TPST1: variants seen among roughly 807,000 people sequenced by gnomAD.
TPST1 encodes the protein tyrosylprotein sulfotransferase 1.
Under a neutral mutation model 34.8 loss-of-function variants are expected in TPST1, and 20 were observed. That is an observed-to-expected ratio of 0.57 (90% CI 0.40 to 0.84). TPST1 has a LOEUF of 0.84. Among genes scored for constraint, TPST1 ranks in the 40% least tolerant of loss-of-function variants. The pLI is 0.00. For synonymous variants in TPST1, 152 were observed against 159.4 expected (o/e 0.95, Z 0.35); for missense variants, 353 against 455.5 (o/e 0.78, Z 2.05).
intron 3 of TPST1, among the ~76,000 whole-genome samples, chr7:66,329,387 A>G (rs535814520): frequency 6.6e-6 from 1 of 152,214 alleles, no homozygotes; most frequent in South Asian, 2.1e-4. Context: ...AAATTTTGCC[A>G]TATTTGCTTT....
intron 1 of TPST1, among the ~76,000 whole-genome samples, chr7:66,232,927 G>A (rs1168169682): frequency 6.6e-6 from 1 of 152,130 alleles, no homozygotes; most frequent in African/African-American, 2.4e-5. Flanking sequence ...GTATCTCATT[G>A]TGATTTTGAT....
chr7:66,222,200 G>A (rs193273762), intron 1 of TPST1, among the ~76,000 whole-genome samples: 43 of 152,132 alleles, frequency 2.8e-4, no homozygotes, highest in Non-Finnish European at 5.1e-4. Flanking sequence ...TGGCTAACAC[G>A]GTGAAACCCT....
chr7:66,269,982 A>G (rs1790673056), intron 2 of TPST1, among the ~76,000 whole-genome samples: 1 of 151,960 alleles, frequency 6.6e-6, no homozygotes, highest in East Asian at 2.0e-4. Flanking sequence ...TTATAGTGGA[A>G]AAAAGGAAAA....
chr7:66,244,293 ATTAC>A (rs1415382131), intron 2 of TPST1, among the ~76,000 whole-genome samples: 2 of 152,138 alleles, frequency 1.3e-5, no homozygotes, highest in Non-Finnish European at 2.9e-5. Flanking sequence ...TTAGTTCAGT[ATTAC>A]TTAGTATTAC....
At position 66,261,232 on chromosome 7, in the gene TPST1, CT is replaced by C. The variant is rs36114007; in HGVS notation, c.845+19979del. Among the ~76,000 whole-genome samples, 874 of 126,642 alleles carry C rather than the reference CT, an allele frequency of 6.9e-3. 14 individuals carry two copies. Among genetic ancestry groups the C allele is most frequent in the Middle Eastern group, 0.025 (6 of 242 alleles). 83.1% of individuals were successfully genotyped at this position (126,642 alleles called of 152,430 possible). On this transcript the variant is annotated intron_variant, in intron 2 of 5. Transcript: ENST00000304842. ...AAAATTGTTGTGCAACGTATATTGT[CT>C]TTTTTTTTTTTTTTTTGGTTCTTTC...
chr7:66,203,045 A>G (rs1380314646), upstream of TPST1, among the ~76,000 whole-genome samples: 1 of 152,042 alleles, frequency 6.6e-6, no homozygotes, highest in Non-Finnish European at 1.5e-5. Context: ...ATACCATTGC[A>G]CTCCAGCCTG....
At chr7:66,255,549 A>G (rs960764083) in intron 2 of TPST1, among the ~76,000 whole-genome samples, 3 of 152,192 alleles carry the variant, frequency 2.0e-5, no homozygotes, top group Non-Finnish European at 2.9e-5. Context: ...AACAAATACA[A>G]GATATCACAT....
At chr7:66,201,103 G>A (rs754295261), upstream of TPST1, among the ~76,000 whole-genome samples, 11 of 152,096 alleles carry the variant, frequency 7.2e-5, no homozygotes, top group Admixed American at 2.0e-4. Flanking sequence ...AAATAGAAAC[G>A]CAGAAAGAGT....
chr7:66,318,490 C>T lies in TPST1; in HGVS notation c.1044+31781C>T, dbSNP rs1362663785. On this transcript the variant is annotated intron_variant, in intron 3 of 5. Coordinates refer to ENST00000304842, the MANE Select transcript of TPST1 (RefSeq NM_003596.4). Reference sequence around the variant, plus strand: ...TTCAGAATTTTTTTTTTTTTTTAGACGAAGTCTCACTCTGTTGTCAGGCTG... The same window carrying T: ...TTCAGAATTTTTTTTTTTTTTTAGATGAAGTCTCACTCTGTTGTCAGGCTG... Among the ~76,000 whole-genome samples the T allele has an allele frequency of 5.4e-5, 8 of 148,272 alleles. No homozygotes were observed. In the South Asian group the frequency reaches 8.5e-4, roughly 16 times the overall value.
At chr7:66,306,768 A>G (rs949289782) in intron 3 of TPST1, among the ~76,000 whole-genome samples, 11 of 152,166 alleles carry the variant, frequency 7.2e-5, no homozygotes, top group Non-Finnish European at 1.5e-4. Flanking sequence ...GCTGGAGTGC[A>G]GTGGCACAAT....
At chr7:66,311,481 G>C (rs1791530911) in intron 3 of TPST1, among the ~76,000 whole-genome samples, 1 of 152,032 alleles carries the variant, frequency 6.6e-6, no homozygotes, top group South Asian at 2.1e-4. Context: ...ATTCCTGCAG[G>C]CATTCTGTAA....
chr7:66,249,574 T>A (rs1038901610), intron 2 of TPST1, among the ~76,000 whole-genome samples: 1 of 152,240 alleles, frequency 6.6e-6, no homozygotes, highest in African/African-American at 2.4e-5. Context: ...AGGTCTGGGA[T>A]AGGCCCAAGA....
intron 5 of TPST1, among the ~76,000 whole-genome samples, chr7:66,357,956 G>A (rs371711445): frequency 3.9e-5 from 6 of 152,054 alleles, no homozygotes; most frequent in Non-Finnish European, 7.4e-5. Context: ...TGGTGGCAGG[G>A]ACCTGTAATC....
chr7:66,333,143 A>T (rs1270016749), intron 3 of TPST1, among the ~76,000 whole-genome samples: 1 of 152,192 alleles, frequency 6.6e-6, no homozygotes, highest in East Asian at 1.9e-4. Flanking sequence ...CCCACAGTTG[A>T]AGGCTGTTCT....
chr7:66,236,815 TA>T (rs1320217265), intron 1 of TPST1, among the ~76,000 whole-genome samples: 2 of 152,200 alleles, frequency 1.3e-5, no homozygotes, highest in African/African-American at 4.8e-5. Context: ...ACACACTTTA[TA>T]ATTGTTTTCA....
intron 2 of TPST1, among the ~76,000 whole-genome samples, chr7:66,265,370 T>G (rs1790569762): frequency 1.3e-5 from 2 of 152,012 alleles, no homozygotes; most frequent in Non-Finnish European, 2.9e-5. Context: ...CGCAACAGCG[T>G]GAAACCCTGT....
chr7:66,223,855 G>T (rs1423303967), intron 1 of TPST1, among the ~76,000 whole-genome samples: 1 of 152,182 alleles, frequency 6.6e-6, no homozygotes, highest in Admixed American at 6.5e-5. Context: ...CCTGCTCTCA[G>T]ATATTTCTGA....
chr7:66,205,557 C>G lies in TPST1; in HGVS notation c.-102+35C>G, dbSNP rs1789108953. 1 of 152,516 alleles carries G rather than the reference C, an allele frequency of 6.6e-6. No individual in the cohort carries two copies. Among genetic ancestry groups the G allele is most frequent in the Non-Finnish European group, 1.5e-5 (1 of 68,328 alleles). The allele number at this position is 152,516 out of a possible 1,614,324, so 9.4% of individuals were successfully genotyped here. A position where few individuals can be genotyped will look rare whatever the true frequency, so the allele number is the denominator to read the frequency against. On this transcript the variant is annotated intron_variant, in intron 1 of 5. Transcript: ENST00000304842. This position sits in a 1 kb window ranked among gnomAD's most constrained non-coding sequence, Gnocchi z 5.0. ...ACGCGGCGCTCGCTGCGGCTCCGCT[C>G]CCCTCTCGTCTCCTCACACCCGGCC...
intron 1 of TPST1, among the ~76,000 whole-genome samples, chr7:66,210,975 C>CCACACACACGCGCGCGCA (rs1789229840): frequency 6.6e-6 from 1 of 151,786 alleles, no homozygotes; most frequent in African/African-American, 2.4e-5. Flanking sequence ...TGTCTGTCTG[C>CCACACACACGCGCGCGCA]CACACACACG....
Sources: gnomAD v4.1 joint callset for allele counts (sites outside exome capture counted in the v4.1 genomes callset) on GRCh38, gnomAD v4.1.1 for gene constraint, Gnocchi (gnomAD v3.1) non-coding constraint, MANE v1.5 for transcripts, NCBI Gene and HGNC (gene_info 2026-07-23, HGNC 2026-07-21) for gene names.